Variants in CCL24 observed in about 807,000 individuals in gnomAD.
The protein encoded by CCL24 is C-C motif chemokine 24.
In CCL24, 6 loss-of-function variants were observed where a neutral mutation model predicts 8.6. The observed-to-expected ratio is 0.70, with a 90% confidence interval of 0.38 to 1.38. CCL24 has a LOEUF of 1.38. Among genes scored for constraint, CCL24 ranks in the 40% most tolerant of loss-of-function variants. CCL24 has a pLI of 0.02. For synonymous variants in CCL24, 59 were observed against 52.7 expected (o/e 1.12, Z -0.52); for missense variants, 126 against 147.1 (o/e 0.86, Z 0.74).
At chr7:75,816,059 G>A (rs3757598), upstream of CCL24, among the ~76,000 whole-genome samples, 32,300 of 152,030 alleles carry the variant, frequency 0.21, 3,716 homozygotes, top group East Asian at 0.31. Flanking sequence ...AGTGGTACTC[G>A]TCACTTGGTG....
chr7:75,819,656 T>C (rs1803982664), intron 1 of CCL24, among the ~76,000 whole-genome samples: 1 of 151,534 alleles, frequency 6.6e-6, no homozygotes, highest in South Asian at 2.1e-4. Flanking sequence ...TTTAAATACC[T>C]GAGGAAGGGT....
intron 1 of CCL24, among the ~76,000 whole-genome samples, chr7:75,819,419 G>A (rs1261817459): frequency 4.2e-5 from 6 of 144,034 alleles, no homozygotes; most frequent in African/African-American, 1.6e-4. Context: ...GAGCTCAGGT[G>A]TTCGAGACCA....
At chr7:75,817,164 C>G (rs948073656), upstream of CCL24, among the ~76,000 whole-genome samples, 10 of 152,136 alleles carry the variant, frequency 6.6e-5, no homozygotes, top group African/African-American at 2.2e-4. Flanking sequence ...CTGTGCCCAG[C>G]TCATCATGAT....
chr7:75,818,607 C>T (rs1466325590), upstream of CCL24, among the ~76,000 whole-genome samples: 2 of 142,068 alleles, frequency 1.4e-5, no homozygotes, highest in African/African-American at 5.2e-5. Flanking sequence ...AAGACCCGGA[C>T]TCTTTAAAAA....
chr7:75,820,816 A>AATCCATCC (rs78975822), intron 1 of CCL24, among the ~76,000 whole-genome samples: 1,452 of 139,222 alleles, frequency 0.01, 16 homozygotes, highest in African/African-American at 0.025. Flanking sequence ...TCCATTCACT[A>AATCCATCC]ATCCATCCAT....
rs375998761 is a variant in CCL24, at chr7:75,811,748, C to A, written c.*48G>T. 4.5e-6 allele frequency: 7 copies of A among 1,545,718 alleles called. No individual in the cohort carries two copies. Among genetic ancestry groups the A allele is most frequent in the Non-Finnish European group, 5.3e-6 (6 of 1,141,560 alleles). The stretch of plus-strand genomic sequence containing the variant: ...TGGCTTCTCCAGGCCCCGAGTAGCC[C>A]GCCAAGCAGCTCAGGCCCAAACTCA... On this transcript the variant is annotated 3_prime_UTR_variant, in exon 3 of 3. Transcript: ENST00000222902.
chr7:75,819,293 A>ACAT (rs1803967485), intron 1 of CCL24, among the ~76,000 whole-genome samples: 7 of 18,320 alleles, frequency 3.8e-4, no homozygotes, highest in African/African-American at 6.1e-4. Flanking sequence ...AAAAAAAAAA[A>ACAT]AAAAAAAAAA....
intron 1 of CCL24, among the ~76,000 whole-genome samples, chr7:75,820,754 C>T (rs1554534981): frequency 6.7e-6 from 1 of 150,320 alleles, no homozygotes; most frequent in Non-Finnish European, 1.5e-5. Context: ...CATGCATCCA[C>T]CCCTCCACCC....
At chr7:75,813,856 C>T (rs1268827699), upstream of CCL24, 9 of 601,516 alleles carry the variant, frequency 1.5e-5, no homozygotes, top group South Asian at 3.6e-5. Flanking sequence ...GAAGGAAACA[C>T]GCCCCCGAGC....
At position 75,811,519 on chromosome 7, in the gene CCL24, G is replaced by C; in HGVS notation, c.*277C>G. ...AGAAAAAGCATCAGAACCAGGTCAGGAGGAGAAGGCAAAGAGTTGCCACTG... is the reference window on the plus strand; with the variant it reads ...AGAAAAAGCATCAGAACCAGGTCAGCAGGAGAAGGCAAAGAGTTGCCACTG... On this transcript the variant is annotated 3_prime_UTR_variant, in exon 3 of 3. Coordinates refer to ENST00000222902, the MANE Select transcript of CCL24 (RefSeq NM_002991.3). 3.0e-6 allele frequency: 1 copy of C among 337,740 alleles called. No homozygotes were observed. The highest frequency in any genetic ancestry group is 5.3e-6 in the Non-Finnish European group (1 of 187,532). The allele number at this position is 337,740 out of a possible 1,614,324, so 20.9% of individuals were successfully genotyped here. A position where few individuals can be genotyped will look rare whatever the true frequency, so the allele number is the denominator to read the frequency against.
chr7:75,819,268 CAAAAAAAAAAAAAAAAAAAAAAAAA>C (rs1177321755), intron 1 of CCL24, among the ~76,000 whole-genome samples: 1 of 20,498 alleles, frequency 4.9e-5, no homozygotes, highest in African/African-American at 2.6e-4. Context: ...AACTCCGTCT[CAAAAAAAAAAAAAAAAAAAAAAAAA>C]AAAAAAAAAA....
At chr7:75,820,983 A>G (rs1804039380) in intron 1 of CCL24, among the ~76,000 whole-genome samples, 1 of 151,944 alleles carries the variant, frequency 6.6e-6, no homozygotes, top group African/African-American at 2.4e-5. Flanking sequence ...ACCCTGCTAT[A>G]TACCAGGTGC....
upstream of CCL24, among the ~76,000 whole-genome samples, chr7:75,816,632 G>C (rs1803896466): frequency 6.6e-6 from 1 of 151,662 alleles, no homozygotes; most frequent in African/African-American, 2.4e-5. Context: ...CGCGATCTTG[G>C]CTCACTGCAA....
Position 75,811,711 on chromosome 7 carries a change from C to T in CCL24, c.*85G>A. 3.3e-6 allele frequency: 4 copies of T among 1,221,760 alleles called. No homozygotes were observed. Among genetic ancestry groups the T allele is most frequent in the Non-Finnish European group, 4.6e-6 (4 of 871,410 alleles). The allele number at this position is 1,221,760 out of a possible 1,614,324, so 75.7% of individuals were successfully genotyped here. On this transcript the variant is annotated 3_prime_UTR_variant, in exon 3 of 3. Transcript: ENST00000222902. Reference sequence around the variant, plus strand: ...TAAGAAACAGGAAAATTAGCTCTTCCCCCCATCACTGTGGCTTCTCCAGGC... The same window carrying T: ...TAAGAAACAGGAAAATTAGCTCTTCTCCCCATCACTGTGGCTTCTCCAGGC...
chr7:75,820,018 A>ACTTCCTCCTCTT (rs1554534774), intron 1 of CCL24, among the ~76,000 whole-genome samples: 1 of 104,816 alleles, frequency 9.5e-6, no homozygotes, highest in African/African-American at 3.5e-5. Flanking sequence ...TTAGTAAACT[A>ACTTCCTCCTCTT]CTTCTTCTTC....
rs1360312185 is a variant in CCL24 at position 75,813,323 on chromosome 7, G to A, written c.174C>T (p.Cys58=). Residue 58 remains cysteine, a synonymous_variant, in exon 2 of 3, where the codon TGC becomes TGT. Coordinates refer to ENST00000222902, the MANE Select transcript of CCL24 (RefSeq NM_002991.3). The part of the protein sequence containing the change: ...VSYQLSSRST[C]LKAGVIFTTK... ...ATACCTACATCACTCCTGCCTTGAG[G>A]CATGTGCTCCTGCTGGACAGCTGGT... is the stretch of plus-strand genomic sequence containing the variant. The A allele has an allele frequency of 1.9e-6, 3 of 1,607,512 alleles. No individual in the cohort carries two copies. Among genetic ancestry groups the A allele is most frequent in the Admixed American group, 3.3e-5 (2 of 59,992 alleles).
chr7:75,822,524 A>G (rs1804071304), intron 1 of CCL24, among the ~76,000 whole-genome samples: 1 of 152,096 alleles, frequency 6.6e-6, no homozygotes, highest in African/African-American at 2.4e-5. Context: ...TATTGTCCCC[A>G]TGTCACCAGT....
intron 2 of CCL24, among the ~76,000 whole-genome samples, chr7:75,812,275 C>T (rs781911749): frequency 1.1e-4 from 17 of 151,824 alleles, no homozygotes; most frequent in Non-Finnish European, 2.2e-4. Flanking sequence ...TTTGCAGAAA[C>T]GGAGTCTCAC....
upstream of CCL24, chr7:75,813,933 T>C (rs1803832527): frequency 2.2e-6 from 1 of 445,574 alleles, no homozygotes; most frequent in Non-Finnish European, 4.2e-6. Flanking sequence ...TGTCCCGTTG[T>C]TGCCCAGCTG....
Sources: allele counts gnomAD v4.1 joint callset (sites outside exome capture counted in the v4.1 genomes callset), GRCh38; gene constraint gnomAD v4.1.1; transcripts MANE v1.5; gene names NCBI Gene and HGNC (gene_info 2026-07-23, HGNC 2026-07-21).